The following FBXL17 variants were observed in gnomAD, a reference collection of about 807,000 sequenced individuals.
The protein encoded by FBXL17 is F-box/LRR-repeat protein 17.
FBXL17 carries 22 observed loss-of-function variants against 66.2 expected under a neutral mutation model. The observed-to-expected ratio is 0.33, with a 90% CI of 0.24 to 0.47. The LOEUF (loss-of-function observed/expected upper bound fraction) is 0.47. FBXL17 is among the 20% of genes least tolerant of loss of function. The pLI, the probability that FBXL17 is intolerant of heterozygous loss-of-function variation, is 1.00. For missense variants in FBXL17, 878 were observed against 948.2 expected, an observed-to-expected ratio of 0.93 and a Z score of 0.97; for synonymous variants, 474 against 400.5, an observed-to-expected ratio of 1.18 and a Z score of -2.19.
chr5:108,011,459 T>G (rs1355523827), intron 7 of FBXL17, among the ~76,000 whole-genome samples: 1 of 152,064 alleles, frequency 6.6e-6, no homozygotes, highest in Non-Finnish European at 1.5e-5. Context: ...GAAGAGGGAT[T>G]TGATTTTTTA....
intron 7 of FBXL17, among the ~76,000 whole-genome samples, chr5:107,896,571 T>C (rs1202165753): frequency 6.6e-6 from 1 of 152,176 alleles, no homozygotes; most frequent in African/African-American, 2.4e-5. Context: ...AGTTCTTGTC[T>C]ATTTTTTTAT....
intron 3 of FBXL17, among the ~76,000 whole-genome samples, chr5:108,354,624 C>A (rs1747851058): frequency 6.6e-6 from 1 of 151,288 alleles, no homozygotes; most frequent in African/African-American, 2.4e-5. Context: ...AAACTACAGA[C>A]CCAAGAAGTT....
At chr5:108,179,367 G>A (rs1752913187) in intron 6 of FBXL17, among the ~76,000 whole-genome samples, 1 of 152,028 alleles carries the variant, frequency 6.6e-6, no homozygotes, top group African/African-American at 2.4e-5. Context: ...TCACTGAAAG[G>A]GGTGGTGGAG....
chr5:107,929,588 T>G (rs2112572768), intron 7 of FBXL17, among the ~76,000 whole-genome samples: 1 of 152,282 alleles, frequency 6.6e-6, no homozygotes, highest in East Asian at 1.9e-4. Context: ...AAATGCTGAT[T>G]TATTGACAAT....
At chr5:108,278,301 C>G (rs1466600301) in intron 4 of FBXL17, among the ~76,000 whole-genome samples, 1 of 152,178 alleles carries the variant, frequency 6.6e-6, no homozygotes, top group Non-Finnish European at 1.5e-5. Flanking sequence ...TTTCTGAAAC[C>G]TAAGAAACAG....
At chr5:107,919,590 G>A (rs544861506) in intron 7 of FBXL17, among the ~76,000 whole-genome samples, 1 of 152,192 alleles carries the variant, frequency 6.6e-6, no homozygotes, top group East Asian at 1.9e-4. Context: ...CTCCACTCCA[G>A]CTACACTGCT....
At chr5:108,125,530 A>G (rs1391143723) in intron 6 of FBXL17, among the ~76,000 whole-genome samples, 2 of 152,100 alleles carry the variant, frequency 1.3e-5, no homozygotes, top group African/African-American at 4.8e-5. Flanking sequence ...CCTAAATGAG[A>G]TATTTAGAAT....
chr5:108,187,767 A>G (rs1753298691), intron 5 of FBXL17, among the ~76,000 whole-genome samples: 1 of 152,230 alleles, frequency 6.6e-6, no homozygotes, highest in African/African-American at 2.4e-5. Flanking sequence ...AATCCAGCTG[A>G]CACCTTGAAT....
intron 6 of FBXL17, among the ~76,000 whole-genome samples, chr5:108,074,980 G>A (rs772203858): frequency 5.3e-5 from 8 of 152,210 alleles, no homozygotes; most frequent in Non-Finnish European, 7.3e-5. Context: ...AAATTTCATT[G>A]TGAAAGGATT....
chr5:108,260,419 TGA>T (rs1260785092), intron 4 of FBXL17, among the ~76,000 whole-genome samples: 1 of 152,128 alleles, frequency 6.6e-6, no homozygotes, highest in African/African-American at 2.4e-5. Context: ...AAATAAGAAT[TGA>T]TCTAAAAATC....
intron 7 of FBXL17, among the ~76,000 whole-genome samples, chr5:107,894,832 C>CT (rs1388292168): frequency 6.6e-6 from 1 of 151,966 alleles, no homozygotes; most frequent in African/African-American, 2.4e-5. Context: ...TCAGCTATTT[C>CT]TTTACCATAA....
At chr5:108,034,591 GTTAT>G (rs1746767293) in intron 6 of FBXL17, among the ~76,000 whole-genome samples, 1 of 151,844 alleles carries the variant, frequency 6.6e-6, no homozygotes. Flanking sequence ...GAAACATGCA[GTTAT>G]TTATTTTCAT....
At chr5:108,107,654 T>C (rs1749855689) in intron 6 of FBXL17, among the ~76,000 whole-genome samples, 1 of 151,040 alleles carries the variant, frequency 6.6e-6, no homozygotes, top group African/African-American at 2.4e-5. Context: ...CTACTAAAAA[T>C]ACAAAAAATT....
At chr5:107,935,253 C>T (rs1750861505) in intron 7 of FBXL17, among the ~76,000 whole-genome samples, 2 of 152,118 alleles carry the variant, frequency 1.3e-5, no homozygotes, top group South Asian at 4.2e-4. Flanking sequence ...TGACTGCTGT[C>T]CTTTTTACAC....
intron 4 of FBXL17, among the ~76,000 whole-genome samples, chr5:108,315,519 T>C (rs1206436471): frequency 6.6e-6 from 1 of 151,398 alleles, no homozygotes; most frequent in East Asian, 1.9e-4. Flanking sequence ...CCAAGCTTTA[T>C]AATTTTAACC....
intron 6 of FBXL17, among the ~76,000 whole-genome samples, chr5:108,078,646 A>G (rs1217811672): frequency 6.6e-6 from 1 of 152,178 alleles, no homozygotes; most frequent in African/African-American, 2.4e-5. Flanking sequence ...GAGAGCTGCT[A>G]TCTGTGAGGT....
At chr5:108,081,367 A>G (rs1748755655) in intron 6 of FBXL17, among the ~76,000 whole-genome samples, 1 of 152,148 alleles carries the variant, frequency 6.6e-6, no homozygotes, top group Non-Finnish European at 1.5e-5. Flanking sequence ...TACAATGTGA[A>G]CACAGCATTT....
chr5:108,178,918 C>G (rs1752897089), intron 6 of FBXL17, among the ~76,000 whole-genome samples: 4 of 152,192 alleles, frequency 2.6e-5, no homozygotes, highest in Admixed American at 6.5e-5. Context: ...TTCTCAAACT[C>G]AAATTCAACT....
intron 6 of FBXL17, among the ~76,000 whole-genome samples, chr5:108,047,700 C>G (rs550273826): frequency 1.2e-4 from 19 of 152,258 alleles, no homozygotes; most frequent in African/African-American, 4.3e-4. Flanking sequence ...CCTCTTCAGG[C>G]CTCATTCTGA....
Sources: allele counts gnomAD v4.1 joint callset (sites outside exome capture counted in the v4.1 genomes callset), GRCh38; gene constraint gnomAD v4.1.1; transcripts MANE v1.5; gene names NCBI Gene and HGNC (gene_info 2026-07-23, HGNC 2026-07-21).